DCC: variants seen among roughly 807,000 people sequenced by gnomAD.
The protein encoded by DCC is DCC netrin 1 receptor, also known as netrin receptor DCC.
DCC carries 58 observed loss-of-function variants against 172.5 expected under a neutral mutation model. The ratio of observed to expected loss-of-function variants is 0.34; its 90% CI spans 0.27 to 0.42. DCC has a LOEUF of 0.42. Ranked by LOEUF, DCC falls within the 10% of genes least tolerant of loss-of-function variation. The probability of loss-of-function intolerance (pLI) is 1.00; values close to 1 mark genes in which losing one functional copy is unlikely to be tolerated. For missense variants in DCC, 1,740 were observed against 1,791.0 expected, an observed-to-expected ratio of 0.97 and a Z score of 0.51; for synonymous variants, 709 against 644.5, an observed-to-expected ratio of 1.10 and a Z score of -1.52.
intron 7 of DCC, among the ~76,000 whole-genome samples, chr18:53,087,376 G>GT (rs1292613941): frequency 1.3e-5 from 2 of 151,774 alleles, no homozygotes; most frequent in Non-Finnish European, 2.9e-5. Context: ...CTTTTCATGT[G>GT]TTTTTTGGCT....
At chr18:52,500,022 A>G (rs900172100) in intron 1 of DCC, among the ~76,000 whole-genome samples, 3 of 152,064 alleles carry the variant, frequency 2.0e-5, no homozygotes, top group Non-Finnish European at 2.9e-5. Context: ...CCATTCTTCT[A>G]TAGTCTTAAT....
At chr18:52,381,707 G>A (rs987121977) in intron 1 of DCC, among the ~76,000 whole-genome samples, 1 of 152,050 alleles carries the variant, frequency 6.6e-6, no homozygotes, top group African/African-American at 2.4e-5. Context: ...AACTCTATAG[G>A]TTTTGGCTTC....
At chr18:53,514,317 T>C (rs927201929) in intron 27 of DCC, among the ~76,000 whole-genome samples, 1 of 150,966 alleles carries the variant, frequency 6.6e-6, no homozygotes, top group African/African-American at 2.4e-5. Flanking sequence ...TAGAGGGAAA[T>C]TTATAGCACT....
At chr18:53,067,164 T>G (rs903380162) in intron 7 of DCC, among the ~76,000 whole-genome samples, 3 of 152,064 alleles carry the variant, frequency 2.0e-5, no homozygotes, top group Non-Finnish European at 2.9e-5. Flanking sequence ...TTAATTATAA[T>G]TGCAAAAAAT....
intron 8 of DCC, among the ~76,000 whole-genome samples, chr18:53,177,060 T>G (rs1418904676): frequency 6.6e-6 from 1 of 151,934 alleles, no homozygotes; most frequent in African/African-American, 2.4e-5. Context: ...ATCATCATTC[T>G]CAGTAAACTA....
intron 7 of DCC, among the ~76,000 whole-genome samples, chr18:53,071,091 T>C (rs534462763): frequency 6.6e-6 from 1 of 152,342 alleles, no homozygotes; most frequent in African/African-American, 2.4e-5. Flanking sequence ...AGAGTTACTC[T>C]TGGCAACCAT....
At chr18:52,355,877 T>G (rs984263866) in intron 1 of DCC, among the ~76,000 whole-genome samples, 6 of 152,036 alleles carry the variant, frequency 3.9e-5, no homozygotes, top group Admixed American at 3.9e-4. Flanking sequence ...GTCTGGTAGG[T>G]AGGGTAATTT....
At chr18:52,553,410 G>A (rs1429938380) in intron 1 of DCC, among the ~76,000 whole-genome samples, 1 of 152,028 alleles carries the variant, frequency 6.6e-6, no homozygotes, top group African/African-American at 2.4e-5. Flanking sequence ...CTGAAGTGAT[G>A]GAGTGGGAGG....
At chr18:53,516,493 T>TACC (rs2046335343) in intron 27 of DCC, among the ~76,000 whole-genome samples, 1 of 147,862 alleles carries the variant, frequency 6.8e-6, no homozygotes, top group Non-Finnish European at 1.5e-5. Context: ...CAAAAGAAAC[T>TACC]ACCATCAGAG....
chr18:53,213,134 G>C (rs138251430), intron 11 of DCC, among the ~76,000 whole-genome samples: 93 of 152,230 alleles, frequency 6.1e-4, no homozygotes, highest in African/African-American at 2.0e-3. Flanking sequence ...TGACATTTAA[G>C]GGTTGCATAT....
chr18:53,251,874 G>A lies in DCC; in HGVS notation c.1911+36277G>A, dbSNP rs148676755. Among the ~76,000 whole-genome samples, 303 of 151,888 alleles carry A rather than the reference G, an allele frequency of 2.0e-3. 2 individuals are homozygous for A. Among genetic ancestry groups the A allele is most frequent in the South Asian group, 0.015 (71 of 4,818 alleles). ...TGCATCCTCCCATGTTTTCACTTCCGTATATTGTCCTTACCCCTGGATATC... is the reference window on the plus strand; with the variant it reads ...TGCATCCTCCCATGTTTTCACTTCCATATATTGTCCTTACCCCTGGATATC... On this transcript the variant is annotated intron_variant, in intron 12 of 28. Transcript: ENST00000442544.
chr18:53,233,950 C>T (rs1034333023), intron 12 of DCC, among the ~76,000 whole-genome samples: 3 of 151,862 alleles, frequency 2.0e-5, no homozygotes, highest in East Asian at 3.9e-4. Flanking sequence ...CTTGTCACTA[C>T]TAAAAATACA....
intron 2 of DCC, among the ~76,000 whole-genome samples, chr18:52,877,069 T>A (rs1176671430): frequency 6.6e-6 from 1 of 152,230 alleles, no homozygotes; most frequent in Non-Finnish European, 1.5e-5. Flanking sequence ...GAAATTCAAA[T>A]TTAACTGGAT....
intron 1 of DCC, among the ~76,000 whole-genome samples, chr18:52,342,266 GGTGTGTGTGTGTGCGTGTGTGT>G (rs1280073781): frequency 7.9e-6 from 1 of 127,140 alleles, no homozygotes. Context: ...AGGCAGGAGG[GGTGTGTGTGTGTGCGTGTGTGT>G]GTGTGTGTGT....
At chr18:52,403,319 A>G (rs1986511307) in intron 1 of DCC, among the ~76,000 whole-genome samples, 1 of 151,972 alleles carries the variant, frequency 6.6e-6, no homozygotes. Flanking sequence ...GGAAGCAGAG[A>G]TAAGGGAAAG....
chr18:52,835,861 A>T (rs2038695772), intron 2 of DCC, among the ~76,000 whole-genome samples: 2 of 152,360 alleles, frequency 1.3e-5, no homozygotes, highest in Middle Eastern at 6.8e-3. Context: ...TTTCAAAAAG[A>T]TTCAGATGGC....
intron 21 of DCC, among the ~76,000 whole-genome samples, chr18:53,420,402 C>CTTTA (rs1375549600): frequency 6.6e-6 from 1 of 152,154 alleles, no homozygotes; most frequent in Admixed American, 6.6e-5. Flanking sequence ...CCTGACACTT[C>CTTTA]TTTATTTCAG....
chr18:52,877,504 T>G (rs948800936), intron 2 of DCC, among the ~76,000 whole-genome samples: 10 of 151,996 alleles, frequency 6.6e-5, no homozygotes, highest in African/African-American at 2.4e-4. Flanking sequence ...AGCCCAGGAG[T>G]TCGGGACCAT....
intron 24 of DCC, among the ~76,000 whole-genome samples, chr18:53,463,875 A>G (rs1222001186): frequency 6.6e-6 from 1 of 152,240 alleles, no homozygotes; most frequent in Non-Finnish European, 1.5e-5. Flanking sequence ...TACTTTAGCT[A>G]TGGAAAAGAG....
Sources: gnomAD v4.1 joint callset for allele counts (sites outside exome capture counted in the v4.1 genomes callset) on GRCh38, gnomAD v4.1.1 for gene constraint, MANE v1.5 for transcripts, NCBI Gene and HGNC (gene_info 2026-07-23, HGNC 2026-07-21) for gene names.